PPP1R7: variants seen among roughly 807,000 people sequenced by gnomAD.
PPP1R7 encodes the protein protein phosphatase 1 regulatory subunit 22.
PPP1R7 carries 18 observed loss-of-function variants against 45.2 expected under a neutral mutation model. The observed-to-expected ratio is 0.40, with a 90% confidence interval of 0.28 to 0.59. The LOEUF is 0.59. Ranked by LOEUF, PPP1R7 falls within the 20% of genes least tolerant of loss-of-function variation. PPP1R7 has a pLI of 0.46. For synonymous variants in PPP1R7, 181 were observed against 183.4 expected (o/e 0.99, Z 0.11); for missense variants, 314 against 455.8 (o/e 0.69, Z 2.83).
At chr2:241,150,085 C>CCA (rs1334632786), upstream of PPP1R7, 76 of 1,271,252 alleles carry the variant, frequency 6.0e-5, no homozygotes, top group Non-Finnish European at 7.4e-5. Flanking sequence ...CACCTTGCAG[C>CCA]CACGGAAAGA....
intron 9 of PPP1R7, among the ~76,000 whole-genome samples, chr2:241,174,150 AC>A (rs2067869050): frequency 6.6e-6 from 1 of 152,214 alleles, no homozygotes; most frequent in Non-Finnish European, 1.5e-5. Flanking sequence ...TTATTAGAGT[AC>A]ATCTAAATAG....
At chr2:241,164,986 T>C (rs2067673488) in intron 7 of PPP1R7, among the ~76,000 whole-genome samples, 1 of 152,008 alleles carries the variant, frequency 6.6e-6, no homozygotes, top group Non-Finnish European at 1.5e-5. Flanking sequence ...AGGAGGACAT[T>C]GCAGTGAGCC....
At chr2:241,182,510 C>G (rs1325001950) in intron 9 of PPP1R7, 137 bp from the exon 10 acceptor site, 8 of 1,048,060 alleles carry the variant, frequency 7.6e-6, no homozygotes, top group Middle Eastern at 6.0e-4. Context: ...CATGGAAGGT[C>G]CCATGAGGTG....
intron 9 of PPP1R7, 38 bp from the exon 10 acceptor site, chr2:241,182,609 T>C: frequency 6.2e-7 from 1 of 1,608,018 alleles, no homozygotes. Flanking sequence ...GGCTGGGCTG[T>C]TTGGTTCTAA....
At chr2:241,167,970 A>G (rs1484567208) in intron 8 of PPP1R7, among the ~76,000 whole-genome samples, 1 of 152,160 alleles carries the variant, frequency 6.6e-6, no homozygotes, top group Non-Finnish European at 1.5e-5. Context: ...GACACCCCCC[A>G]TCCCAGTGTC....
chr2:241,181,191 C>T (rs965543507), intron 9 of PPP1R7, among the ~76,000 whole-genome samples: 4 of 151,910 alleles, frequency 2.6e-5, no homozygotes, highest in African/African-American at 9.7e-5. Context: ...GAGCGAGACT[C>T]CCTCTCAAAA....
intron 5 of PPP1R7, among the ~76,000 whole-genome samples, chr2:241,159,944 A>G (rs2067547522): frequency 6.6e-6 from 1 of 152,212 alleles, no homozygotes; most frequent in Non-Finnish European, 1.5e-5. Flanking sequence ...TTTGTCGCTC[A>G]TTCATTTTTG....
In PPP1R7 at chr2:241,153,584, G is replaced by C. The variant is rs140300724; in HGVS notation, c.161G>C (p.Arg54Pro). The change falls in exon 2 of 10, where the codon CGG becomes CCG. Residue 54 changes from arginine to proline, a missense_variant. Physicochemically the swap from Arg to Pro is moderately radical, Grantham distance 103. This residue lies in a region of PPP1R7 where 112 missense variants were observed against 144.5 expected (regional missense o/e 0.78). Coordinates refer to ENST00000234038, the MANE Select transcript of PPP1R7 (RefSeq NM_002712.3). ...SEQSLKDGEERGEEDPEEEHE... is the reference protein window; with the variant it reads ...SEQSLKDGEEPGEEDPEEEHE... ...CAGAGCCTGAAGGATGGGGAGGAGC[G>C]GGGGGAGGAGGACCCAGAAGGTACC... The C allele has an allele frequency of 4.3e-5, 69 of 1,613,802 alleles. No homozygotes were observed. Among genetic ancestry groups the C allele is most frequent in the South Asian group, 1.4e-4 (13 of 91,076 alleles).
chr2:241,157,712 C>A, intron 2 of PPP1R7, 95 bp from the exon 3 acceptor site: 1 of 1,237,714 alleles, frequency 8.1e-7, no homozygotes, highest in Non-Finnish European at 1.2e-6. Context: ...TGGCTCTGGG[C>A]ACCAAACAGC....
At chr2:241,177,211 G>A (rs1375874775) in intron 9 of PPP1R7, among the ~76,000 whole-genome samples, 3 of 151,956 alleles carry the variant, frequency 2.0e-5, no homozygotes, top group Non-Finnish European at 4.4e-5. Flanking sequence ...CAGGTCAGGA[G>A]ATCGAGACCA....
In PPP1R7 at chr2:241,153,573, TGGGGAGGAGCGG is replaced by T. The variant is rs752243605; in HGVS notation, c.160_171del (p.Arg54_Glu57del). 14 of 1,613,860 alleles carry T rather than the reference TGGGGAGGAGCGG, an allele frequency of 8.7e-6. No homozygotes were observed. Among genetic ancestry groups the T allele is most frequent in the Admixed American group, 3.3e-5 (2 of 59,996 alleles). On this transcript the variant is annotated inframe_deletion, in exon 2 of 10. Coordinates refer to ENST00000234038, the MANE Select transcript of PPP1R7 (RefSeq NM_002712.3). The stretch of plus-strand genomic sequence containing the variant: ...ACCTCAGTGAACAGAGCCTGAAGGA[TGGGGAGGAGCGG>T]GGGGAGGAGGACCCAGAAGGTACCA...
intron 8 of PPP1R7, among the ~76,000 whole-genome samples, chr2:241,167,969 C>T (rs925175112): frequency 6.6e-6 from 1 of 152,156 alleles, no homozygotes; most frequent in African/African-American, 2.4e-5. Flanking sequence ...CGACACCCCC[C>T]ATCCCAGTGT....
At position 241,179,911 on chromosome 2, in the gene PPP1R7, G is replaced by A. The variant is rs370234427; in HGVS notation, c.907-2736G>A. 1.7e-4 allele frequency among the ~76,000 whole-genome samples: 26 copies of A among 152,336 alleles called. No individual in the cohort carries two copies. In the East Asian group the frequency reaches 1.9e-3, roughly 11 times the overall value. On this transcript the variant is annotated intron_variant, in intron 9 of 9. Coordinates refer to ENST00000234038, the MANE Select transcript of PPP1R7 (RefSeq NM_002712.3). Reference sequence around the variant, plus strand: ...CCATTGGTGGTGAGTAGAATTCCCCGTGTTAGGTTTACTAAGTCCTGGAGA... The same window carrying A: ...CCATTGGTGGTGAGTAGAATTCCCCATGTTAGGTTTACTAAGTCCTGGAGA...
intron 8 of PPP1R7, among the ~76,000 whole-genome samples, chr2:241,166,780 G>GA (rs941177029): frequency 5.3e-5 from 8 of 152,006 alleles, no homozygotes; most frequent in Non-Finnish European, 8.8e-5. Context: ...TGCAAGATTT[G>GA]AAAAAAACAA....
upstream of PPP1R7, chr2:241,150,322 C>T (rs548086552): frequency 2.0e-4 from 260 of 1,326,116 alleles, no homozygotes; most frequent in African/African-American, 3.2e-3. Flanking sequence ...GGAGGCGCGG[C>T]GCGCGGCCTC....
chr2:241,153,620 C>G lies in PPP1R7; in HGVS notation c.181+16C>G, dbSNP rs200234172. The G allele has an allele frequency of 1.7e-4, 269 of 1,611,866 alleles. No individual in the cohort carries two copies. The East Asian group carries it at 3.7e-3, about 22-fold the overall frequency. On this transcript the variant is annotated intron_variant, in intron 2 of 9. Coordinates refer to ENST00000234038, the MANE Select transcript of PPP1R7 (RefSeq NM_002712.3). ...GACCCAGAAGGTACCAGGCCCAGCT[C>G]CCTTGGGGACATCTGCTGGTTGGGG...
upstream of PPP1R7, chr2:241,150,377 G>A: frequency 7.5e-7 from 1 of 1,335,526 alleles, no homozygotes; most frequent in East Asian, 3.2e-5. Flanking sequence ...CCACGCAGGC[G>A]CGGCGCGGCT....
intron 9 of PPP1R7, among the ~76,000 whole-genome samples, chr2:241,174,444 C>T (rs1574728734): frequency 6.6e-6 from 1 of 152,190 alleles, no homozygotes; most frequent in East Asian, 1.9e-4. Context: ...TAGCTCACTC[C>T]TATCTATACA....
chr2:241,166,811 G>T (rs1378251834), intron 8 of PPP1R7, among the ~76,000 whole-genome samples: 3 of 152,144 alleles, frequency 2.0e-5, no homozygotes, highest in Non-Finnish European at 4.4e-5. Flanking sequence ...CTCGTAAAGG[G>T]CCCTGTATGA....
Sources: allele counts gnomAD v4.1 joint callset (sites outside exome capture counted in the v4.1 genomes callset), GRCh38; gene constraint gnomAD v4.1.1; regional missense constraint gnomAD v4.1.1; transcripts MANE v1.5; gene names NCBI Gene and HGNC (gene_info 2026-07-23, HGNC 2026-07-21).